The following ADCY5 variants were observed in gnomAD, a reference collection of about 807,000 sequenced individuals.
The protein encoded by ADCY5 is adenylate cyclase type 5.
ADCY5 carries 30 observed loss-of-function variants against 119.7 expected under a neutral mutation model. That is an observed-to-expected ratio of 0.25 (90% CI 0.19 to 0.34). ADCY5 has a LOEUF of 0.34. ADCY5 is among the 10% of genes least tolerant of loss of function. The pLI, the probability that ADCY5 is intolerant of heterozygous loss-of-function variation, is 1.00. For synonymous variants in ADCY5, 753 were observed against 762.2 expected (o/e 0.99, Z 0.20); for missense variants, 1,324 against 1,775.2 (o/e 0.75, Z 4.57).
chr3:123,371,274 TCTC>T (rs1409534232), intron 1 of ADCY5, among the ~76,000 whole-genome samples: 2 of 152,292 alleles, frequency 1.3e-5, no homozygotes, highest in East Asian at 3.9e-4. Flanking sequence ...CTCAGAATCT[TCTC>T]CTACAAAATA....
intron 13 of ADCY5, 41 bp from the exon 14 acceptor site, chr3:123,303,260 C>T (rs1156742994): frequency 1.9e-6 from 3 of 1,594,798 alleles, no homozygotes; most frequent in Middle Eastern, 1.7e-4. Flanking sequence ...GGGTAAGCTG[C>T]TGGGGGACAG....
intron 1 of ADCY5, among the ~76,000 whole-genome samples, chr3:123,368,568 G>C (rs1943532001): frequency 6.6e-6 from 1 of 152,216 alleles, no homozygotes; most frequent in South Asian, 2.1e-4. Context: ...CTGCACTCCA[G>C]GCTGGGCGAC....
At position 123,386,344 on chromosome 3, in the gene ADCY5, G is replaced by A. The variant is rs576603486; in HGVS notation, c.1135-33763C>T. ...GTGAGAGAGACCCCACGGCATACCAGTGGCTCCAGGGATCCTATCTTCCAC... is the reference window on the plus strand; with the variant it reads ...GTGAGAGAGACCCCACGGCATACCAATGGCTCCAGGGATCCTATCTTCCAC... On this transcript the variant is annotated intron_variant, in intron 1 of 20. Transcript: ENST00000462833. Among the ~76,000 whole-genome samples, 4 of 152,328 alleles carry A rather than the reference G, an allele frequency of 2.6e-5. No homozygotes were observed. In the East Asian group the frequency reaches 7.7e-4, roughly 29 times the overall value.
At chr3:123,438,635 C>T (rs977840596) in intron 1 of ADCY5, among the ~76,000 whole-genome samples, 1 of 152,226 alleles carries the variant, frequency 6.6e-6, no homozygotes, top group African/African-American at 2.4e-5. Context: ...TGTCACAGTA[C>T]TGCAGTGCTT....
intron 1 of ADCY5, among the ~76,000 whole-genome samples, chr3:123,419,978 C>G (rs915588671): frequency 1.3e-5 from 2 of 152,102 alleles, no homozygotes; most frequent in African/African-American, 2.4e-5. Context: ...GTGGGTGAAG[C>G]CTGCACCATC....
chr3:123,319,670 G>T lies in ADCY5; in HGVS notation c.2256+4C>A. ...GGGCCTCCTTCCCACCCAGGGTGCT[G>T]TACCTTCTTCTCTAAGTCAGGCTCC... On this transcript the variant is annotated splice_donor_region_variant and intron_variant, in intron 10 of 20. Coordinates refer to ENST00000462833, the MANE Select transcript of ADCY5 (RefSeq NM_183357.3). The T allele has an allele frequency of 6.2e-7, 1 of 1,614,042 alleles. No individual in the cohort carries two copies. Among genetic ancestry groups the T allele is most frequent in the Non-Finnish European group, 8.5e-7 (1 of 1,179,978 alleles).
chr3:123,412,053 C>T (rs1441215931), intron 1 of ADCY5, among the ~76,000 whole-genome samples: 3 of 152,226 alleles, frequency 2.0e-5, no homozygotes, highest in Admixed American at 6.5e-5. Flanking sequence ...AGGATGCCTG[C>T]CCTCTCCTTT....
chr3:123,426,318 TTGTTTG>T (rs1559875092), intron 1 of ADCY5, among the ~76,000 whole-genome samples: 6 of 49,826 alleles, frequency 1.2e-4, no homozygotes, highest in South Asian at 7.5e-4. Flanking sequence ...TTGTTTGTTT[TTGTTTG>T]TTTGTTTGTT....
intron 12 of ADCY5, among the ~76,000 whole-genome samples, chr3:123,308,206 T>C (rs1940316089): frequency 6.6e-6 from 1 of 151,468 alleles, no homozygotes; most frequent in Admixed American, 6.6e-5. Context: ...GCTAATTTTG[T>C]TTTTGTATTT....
chr3:123,393,704 T>C (rs1264851727), intron 1 of ADCY5, among the ~76,000 whole-genome samples: 2 of 152,166 alleles, frequency 1.3e-5, no homozygotes, highest in Admixed American at 6.5e-5. Context: ...ATCCTTGTTA[T>C]GAACTCAGGC....
At chr3:123,407,674 T>C (rs1364297047) in intron 1 of ADCY5, among the ~76,000 whole-genome samples, 4 of 149,860 alleles carry the variant, frequency 2.7e-5, no homozygotes, top group Admixed American at 1.3e-4. Context: ...GGTTGGAGGA[T>C]TGCTTAAGCC....
intron 1 of ADCY5, among the ~76,000 whole-genome samples, chr3:123,409,033 T>C (rs1428255641): frequency 6.6e-6 from 1 of 152,228 alleles, no homozygotes; most frequent in Non-Finnish European, 1.5e-5. Flanking sequence ...CATAAAAATG[T>C]ATCTCTGTAG....
At chr3:123,375,401 T>C (rs1943790443) in intron 1 of ADCY5, among the ~76,000 whole-genome samples, 1 of 152,262 alleles carries the variant, frequency 6.6e-6, no homozygotes, top group South Asian at 2.1e-4. Flanking sequence ...AAGGGGGCAC[T>C]GGCAGGGCAT....
intron 1 of ADCY5, among the ~76,000 whole-genome samples, chr3:123,375,223 C>T (rs1202412983): frequency 6.6e-6 from 1 of 152,236 alleles, no homozygotes. Flanking sequence ...ACTCATTTAT[C>T]TTCCAGTCTG....
chr3:123,360,526 A>C lies in ADCY5; in HGVS notation c.1135-7945T>G, dbSNP rs76633829. Among the ~76,000 whole-genome samples, 1,154 of 152,264 alleles carry C rather than the reference A, an allele frequency of 7.6e-3. 17 individuals carry two copies. Among genetic ancestry groups the C allele is most frequent in the African/African-American group, 0.027 (1,104 of 41,560 alleles). Reference sequence around the variant, plus strand: ...AAACCTGCCAGGACTCTCCATTACCAGTAAGATAAAGTCCAAACTCCTGTG... The same window carrying C: ...AAACCTGCCAGGACTCTCCATTACCCGTAAGATAAAGTCCAAACTCCTGTG... On this transcript the variant is annotated intron_variant, in intron 1 of 20. Transcript: ENST00000462833.
intron 7 of ADCY5, 63 bp downstream of exon 7, chr3:123,327,555 C>T (rs1941551515): frequency 6.7e-7 from 1 of 1,496,520 alleles, no homozygotes. Flanking sequence ...AGCAGCAGGT[C>T]ACGAAAATGT....
intron 10 of ADCY5, among the ~76,000 whole-genome samples, chr3:123,318,955 C>G (rs757135617): frequency 6.6e-6 from 1 of 152,108 alleles, no homozygotes; most frequent in East Asian, 1.9e-4. Flanking sequence ...CCTTGAGGTC[C>G]CAATGTGACA....
chr3:123,368,154 T>G, intron 1 of ADCY5: 1 of 857,684 alleles, frequency 1.2e-6, no homozygotes, highest in Non-Finnish European at 1.7e-6. Context: ...CCTACAGGAA[T>G]CTGAATGCGC....
intron 1 of ADCY5, among the ~76,000 whole-genome samples, chr3:123,355,779 T>C (rs1280170853): frequency 6.6e-6 from 1 of 152,216 alleles, no homozygotes; most frequent in Non-Finnish European, 1.5e-5. Context: ...AAACACCACG[T>C]TCTGATGTCA....
Sources: gnomAD v4.1 joint callset for allele counts (sites outside exome capture counted in the v4.1 genomes callset) on GRCh38, gnomAD v4.1.1 for gene constraint, MANE v1.5 for transcripts, NCBI Gene and HGNC (gene_info 2026-07-23, HGNC 2026-07-21) for gene names.